The following NBAS variants were observed in gnomAD, a reference collection of about 807,000 sequenced individuals.
NBAS encodes NBAS subunit of NRZ tethering complex, also known as NAG/BC035112 fusion.
Under a neutral mutation model 302.5 loss-of-function variants are expected in NBAS, and 219 were observed. The observed-to-expected ratio is 0.72, with a 90% CI of 0.65 to 0.81. The LOEUF (loss-of-function observed/expected upper bound fraction) is 0.81, where lower values mean the gene tolerates loss of function less well. NBAS is among the 30% of genes least tolerant of loss of function. NBAS has a pLI of 0.00. For synonymous variants in NBAS, 1,118 were observed against 1,021.6 expected (o/e 1.09, Z -1.80); for missense variants, 2,932 against 2,841.6 (o/e 1.03, Z -0.72).
At position 15,287,131 on chromosome 2, in the gene NBAS, T is replaced by C. The variant is rs765646761; in HGVS notation, c.5080A>G (p.Ser1694Gly). ...ATAAAAACTTCCCAGCGGGAGACAC[T>C]GTAACGTTGTGCCAGAGAAATAGCA... ...SIAISLAQRY[S>G]VSRWEVFMTH... Residue 1694 changes from serine to glycine, a missense_variant, in exon 42 of 52, where the codon AGT (serine) becomes GGT (glycine). By Grantham distance (56) the Ser-to-Gly change is moderately conservative (BLOSUM62 0). Transcript: ENST00000281513. 17 of 1,613,914 alleles carry C rather than the reference T, an allele frequency of 1.1e-5. No homozygotes were observed. Among genetic ancestry groups the C allele is most frequent in the African/African-American group, 2.7e-5 (2 of 74,912 alleles).
At chr2:15,548,706 G>C (rs947783886) in intron 6 of NBAS, among the ~76,000 whole-genome samples, 1 of 151,508 alleles carries the variant, frequency 6.6e-6, no homozygotes, top group Non-Finnish European at 1.5e-5. Context: ...CTGTGATATA[G>C]GCAGAAGCAA....
the NBAS span, among the ~76,000 whole-genome samples, chr2:14,963,782 C>T: frequency 6.6e-6 from 1 of 152,174 alleles, no homozygotes; most frequent in African/African-American, 2.4e-5. Flanking sequence ...TGGACTTCAC[C>T]ACATGTGCTT....
chr2:15,052,967 G>A, the NBAS span, among the ~76,000 whole-genome samples: 4 of 152,054 alleles, frequency 2.6e-5, no homozygotes, highest in Non-Finnish European at 5.9e-5. Flanking sequence ...GTACAGGAGA[G>A]AAAGGAAAAA....
chr2:15,019,048 C>G, the NBAS span, among the ~76,000 whole-genome samples: 10 of 152,114 alleles, frequency 6.6e-5, no homozygotes, highest in Non-Finnish European at 1.0e-4. Context: ...TAGTCCAGTT[C>G]AAAACATGCA....
At chr2:15,422,493 C>A (rs111937325) in intron 23 of NBAS, among the ~76,000 whole-genome samples, 7 of 150,316 alleles carry the variant, frequency 4.7e-5, no homozygotes, top group African/African-American at 1.7e-4. Flanking sequence ...TTTCTGCAAA[C>A]CTGAAATTCC....
rs187809094 is a variant in NBAS at position 15,287,464 on chromosome 2, C to T, written c.5028-281G>A. Among the ~76,000 whole-genome samples, 641 of 152,318 alleles carry T rather than the reference C, an allele frequency of 4.2e-3. 2 individuals are homozygous for T. Among genetic ancestry groups the T allele is most frequent in the Non-Finnish European group, 7.4e-3 (505 of 68,024 alleles). ...GGGGACATTTGACAATGTCTGAAAA[C>T]ATTGTGAGCATAAAAAGTGGGGCAA... On this transcript the variant is annotated intron_variant, in intron 41 of 51. Transcript: ENST00000281513.
chr2:15,537,792 T>C (rs567346856), intron 7 of NBAS, among the ~76,000 whole-genome samples: 1 of 152,318 alleles, frequency 6.6e-6, no homozygotes, highest in East Asian at 1.9e-4. Flanking sequence ...TCCCTGTACA[T>C]GTAAAAATAT....
At chr2:15,043,956 C>T in the NBAS span, among the ~76,000 whole-genome samples, 1 of 152,130 alleles carries the variant, frequency 6.6e-6, no homozygotes. Flanking sequence ...AGTAACCTTT[C>T]TATTCCCAAG....
chr2:14,835,007 CAA>C, the NBAS span, among the ~76,000 whole-genome samples: 170 of 151,998 alleles, frequency 1.1e-3, 2 homozygotes, highest in South Asian at 5.4e-3. Flanking sequence ...GGAATAAGCT[CAA>C]AAGACATTAA....
rs752109436 is a variant in NBAS at position 15,167,013 on chromosome 2, C to A, written c.*35G>T. 57 of 1,509,176 alleles carry A rather than the reference C, an allele frequency of 3.8e-5. No homozygotes were observed. Among genetic ancestry groups the A allele is most frequent in the Middle Eastern group, 2.0e-4 (1 of 5,096 alleles). 93.5% of individuals were successfully genotyped at this position (1,509,176 alleles called of 1,614,324 possible). A position where few individuals can be genotyped will look rare whatever the true frequency, so the allele number is the denominator to read the frequency against. ...TGGGAACAGCATTCAACTCCAGATG[C>A]TTTTTCTGCTAAGGAGCAGGGCCAC... On this transcript the variant is annotated 3_prime_UTR_variant, in exon 52 of 52. Coordinates refer to ENST00000281513, the MANE Select transcript of NBAS (RefSeq NM_015909.4).
At chr2:14,820,077 G>A in the NBAS span, among the ~76,000 whole-genome samples, 3 of 152,200 alleles carry the variant, frequency 2.0e-5, no homozygotes, top group Non-Finnish European at 2.9e-5. Context: ...ATGTGAATTA[G>A]TACAACCACT....
chr2:15,382,547 TC>T (rs1192443474), intron 29 of NBAS, among the ~76,000 whole-genome samples: 1 of 152,144 alleles, frequency 6.6e-6, no homozygotes, highest in African/African-American at 2.4e-5. Context: ...AGGAATATAT[TC>T]CAGGCCAAGG....
chr2:15,074,351 A>G, the NBAS span, among the ~76,000 whole-genome samples: 1 of 147,538 alleles, frequency 6.8e-6, no homozygotes, highest in Non-Finnish European at 1.5e-5. Flanking sequence ...GGAGGGAAGG[A>G]AGGAAGGATG....
intron 48 of NBAS, among the ~76,000 whole-genome samples, chr2:15,205,028 A>T (rs1408291889): frequency 3.9e-5 from 6 of 152,256 alleles, no homozygotes; most frequent in African/African-American, 9.6e-5. Flanking sequence ...TAAAAAAATT[A>T]AAAAAAGAAG....
intron 48 of NBAS, among the ~76,000 whole-genome samples, chr2:15,206,162 G>C (rs1385076577): frequency 2.0e-5 from 3 of 152,180 alleles, no homozygotes; most frequent in African/African-American, 7.2e-5. Flanking sequence ...GGTGGTCTCA[G>C]ATGGAGATGA....
chr2:14,812,967 T>C, the NBAS span, among the ~76,000 whole-genome samples: 3 of 152,106 alleles, frequency 2.0e-5, no homozygotes, highest in Non-Finnish European at 4.4e-5. Flanking sequence ...TTTAAAAGTG[T>C]GTAGCACTTC....
chr2:15,372,567 T>C (rs1264584150), intron 31 of NBAS, among the ~76,000 whole-genome samples: 2 of 152,196 alleles, frequency 1.3e-5, no homozygotes, highest in African/African-American at 4.8e-5. Flanking sequence ...AAAACCTAAA[T>C]GGCATCTGTA....
the NBAS span, among the ~76,000 whole-genome samples, chr2:15,025,699 C>G: frequency 0.77 from 117,073 of 151,950 alleles, 45,365 homozygotes; most frequent in East Asian, 1. Context: ...ATCTGTATTC[C>G]CAGGTATTTT....
chr2:15,371,212 T>A (rs1674468885), intron 31 of NBAS, among the ~76,000 whole-genome samples: 1 of 152,106 alleles, frequency 6.6e-6, no homozygotes, highest in African/African-American at 2.4e-5. Context: ...GATCCTTGCT[T>A]CCCCTTTGCC....
Sources: gnomAD v4.1 joint callset for allele counts (sites outside exome capture counted in the v4.1 genomes callset) on GRCh38, gnomAD v4.1.1 for gene constraint, MANE v1.5 for transcripts, NCBI Gene and HGNC (gene_info 2026-07-23, HGNC 2026-07-21) for gene names.